LUC7L3: variants seen among roughly 807,000 people sequenced by gnomAD.
LUC7L3 encodes the protein luc7-like protein 3.
Under a neutral mutation model 66.8 loss-of-function variants are expected in LUC7L3, and 6 were observed. The ratio of observed to expected loss-of-function variants is 0.09; its 90% CI spans 0.05 to 0.18. The LOEUF is 0.18. Among genes scored for constraint, LUC7L3 ranks in the 10% least tolerant of loss-of-function variants. LUC7L3 has a pLI of 1.00. For synonymous variants in LUC7L3, 160 were observed against 174.7 expected (o/e 0.92, Z 0.66); for missense variants, 341 against 531.1 (o/e 0.64, Z 3.52).
In LUC7L3 at chr17:50,754,808, C is replaced by T. The variant is rs1318332773; in HGVS notation, c.*4147C>T. On this transcript the variant is annotated 3_prime_UTR_variant, in exon 10 of 10. Coordinates refer to ENST00000505658, the MANE Select transcript of LUC7L3 (RefSeq NM_016424.5). ...GGTTCCTTAAATATAGTTAGTGTCA[C>T]AGAGGATAAATAACCAACCTTATTT... 6.6e-6 allele frequency: 1 copy of T among 152,130 alleles called. No individual in the cohort carries two copies. 9.4% of individuals were successfully genotyped at this position (152,130 alleles called of 1,614,324 possible). A position where few individuals can be genotyped will look rare whatever the true frequency, so the allele number is the denominator to read the frequency against.
chr17:50,751,007 AT>A lies in LUC7L3; in HGVS notation c.*347del, dbSNP rs1349704257. On this transcript the variant is annotated 3_prime_UTR_variant, in exon 10 of 10. Coordinates refer to ENST00000505658, the MANE Select transcript of LUC7L3 (RefSeq NM_016424.5). ...TGATGTCATTTCTTTTTTTTTTTTA[AT>A]AAAAAGGTTGAACTGTTTTTTTTTT... 1 of 1,441,086 alleles carries A rather than the reference AT, an allele frequency of 6.9e-7. No homozygotes were observed. The highest frequency in any genetic ancestry group is 9.1e-7 in the Non-Finnish European group (1 of 1,104,898). 89.3% of individuals were successfully genotyped at this position (1,441,086 alleles called of 1,614,324 possible).
chr17:50,736,961 T>C lies in LUC7L3; in HGVS notation c.101T>C (p.Val34Ala), dbSNP rs1358426858. 4.4e-6 allele frequency: 7 copies of C among 1,604,686 alleles called. No individual in the cohort carries two copies. The highest frequency in any genetic ancestry group is 6.0e-6 in the Non-Finnish European group (7 of 1,173,754). ...AGTACCTTTGTTTTTCTTTACTAGGTTTGTAAATATTATCTCTGTGGTTTT... is the reference window on the plus strand; with the variant it reads ...AGTACCTTTGTTTTTCTTTACTAGGCTTGTAAATATTATCTCTGTGGTTTT... ...RSNVRWDHES[V>A]CKYYLCGFCP... The change falls in exon 2 of 10, where the codon GTT becomes GCT. Residue 34 changes from valine (V) to alanine (A), a missense_variant and splice_region_variant. Physicochemically the swap from Val to Ala is moderately conservative, Grantham distance 64. Coordinates refer to ENST00000505658, the MANE Select transcript of LUC7L3 (RefSeq NM_016424.5).
intron 1 of LUC7L3, among the ~76,000 whole-genome samples, chr17:50,724,463 G>A (rs958814211): frequency 1.3e-5 from 2 of 152,072 alleles, no homozygotes; most frequent in African/African-American, 4.8e-5. Flanking sequence ...AGAGGTTGCA[G>A]TGAGCCGAGA....
intron 1 of LUC7L3, chr17:50,722,256 G>A (rs1006228638): frequency 7.8e-6 from 1 of 127,760 alleles, no homozygotes; most frequent in African/African-American, 3.1e-5. Flanking sequence ...GGAGTGCAAT[G>A]GCGTGATTTT....
intron 1 of LUC7L3, chr17:50,722,890 A>G (rs1752043115): frequency 6.6e-6 from 1 of 152,196 alleles, no homozygotes; most frequent in South Asian, 2.1e-4. Context: ...ATTCATTGGT[A>G]CACCCTCCCA....
At position 50,746,114 on chromosome 17, in the gene LUC7L3, T is replaced by C. The variant is rs1970649982; in HGVS notation, c.977+111T>C. On this transcript the variant is annotated intron_variant, in intron 8 of 9. Transcript: ENST00000505658. Reference sequence around the variant, plus strand: ...TACTTGGGAAGCTCTTAAGCATCTTTAAGTGATAGGATGGGTTGCGAGAGC... The same window carrying C: ...TACTTGGGAAGCTCTTAAGCATCTTCAAGTGATAGGATGGGTTGCGAGAGC... 7.1e-6 allele frequency: 10 copies of C among 1,399,682 alleles called. No homozygotes were observed. In the South Asian group the frequency reaches 1.7e-4, roughly 24 times the overall value. 86.7% of individuals were successfully genotyped at this position (1,399,682 alleles called of 1,614,324 possible). A position where few individuals can be genotyped will look rare whatever the true frequency, so the allele number is the denominator to read the frequency against.
intron 9 of LUC7L3, among the ~76,000 whole-genome samples, chr17:50,747,092 T>C (rs1185882988): frequency 3.3e-5 from 5 of 152,174 alleles, no homozygotes; most frequent in African/African-American, 9.7e-5. Flanking sequence ...CATTGTTGCA[T>C]TAATCTTCAT....
Position 50,719,696 on chromosome 17 carries a change from C to T in LUC7L3, c.-37C>T. The T allele has an allele frequency of 1.9e-6, 3 of 1,553,260 alleles. No individual in the cohort carries two copies. The highest frequency in any genetic ancestry group is 2.3e-5 in the East Asian group (1 of 43,546). On this transcript the variant is annotated 5_prime_UTR_variant, in exon 1 of 10. Transcript: ENST00000505658. ...TCGCCCGTGTTTTCGTTGGCGGGTG[C>T]CTGGGCTGGTGGGAACAGCCGCCCG...
At chr17:50,740,158 T>G (rs1970255051) in intron 2 of LUC7L3, 148 bp from the exon 3 acceptor site, 5 of 612,112 alleles carry the variant, frequency 8.2e-6, no homozygotes, top group African/African-American at 1.9e-5. Context: ...GCTTCATGAT[T>G]TAGTAGGATC....
At chr17:50,746,813 C>T in intron 9 of LUC7L3, 111 bp downstream of exon 9, 2 of 847,076 alleles carry the variant, frequency 2.4e-6, no homozygotes, top group South Asian at 2.2e-5. Flanking sequence ...CTCCTTTTCA[C>T]TTTGAGGAAT....
At chr17:50,726,959 G>A (rs1184073599) in intron 1 of LUC7L3, among the ~76,000 whole-genome samples, 3 of 151,932 alleles carry the variant, frequency 2.0e-5, no homozygotes, top group African/African-American at 7.3e-5. Flanking sequence ...CGTTGTGGCC[G>A]GTGCTTGTAA....
At position 50,719,616 on chromosome 17, in the gene LUC7L3, C is replaced by G; in HGVS notation, c.-117C>G. On this transcript the variant is annotated 5_prime_UTR_variant, in exon 1 of 10. Coordinates refer to ENST00000505658, the MANE Select transcript of LUC7L3 (RefSeq NM_016424.5). ...GGCGGCCATTTTGTCTTGTCGGCTCCTGTGTGTAGGAGGGATTTCGGCCTG... is the reference window on the plus strand; with the variant it reads ...GGCGGCCATTTTGTCTTGTCGGCTCGTGTGTGTAGGAGGGATTTCGGCCTG... 1.3e-6 allele frequency: 1 copy of G among 783,860 alleles called. No homozygotes were observed. The highest frequency in any genetic ancestry group is 2.0e-6 in the Non-Finnish European group (1 of 488,522). The allele number at this position is 783,860 out of a possible 1,614,324, so 48.6% of individuals were successfully genotyped here.
intron 1 of LUC7L3, among the ~76,000 whole-genome samples, chr17:50,726,999 G>GA (rs901340905): frequency 3.3e-5 from 5 of 152,068 alleles, no homozygotes; most frequent in African/African-American, 1.2e-4. Context: ...TGAGGCAGGA[G>GA]AATTTCTTGA....
intron 1 of LUC7L3, chr17:50,722,191 CTTTTTTTTTTTTTT>C (rs869286245): frequency 3.1e-5 from 2 of 63,712 alleles, no homozygotes; most frequent in African/African-American, 1.4e-4. Context: ...CTTATGCATT[CTTTTTTTTTTTTTT>C]TTTTTTTTTT....
chr17:50,730,512 CCAAAAAA>C (rs1333256327), intron 1 of LUC7L3, among the ~76,000 whole-genome samples: 1 of 16,710 alleles, frequency 6.0e-5, no homozygotes, highest in Non-Finnish European at 1.1e-4. Flanking sequence ...GACTCTGTCT[CCAAAAAA>C]AAAAAAAAAA....
chr17:50,738,223 TAAAAG>T (rs1428768765), intron 2 of LUC7L3: 4 of 432,004 alleles, frequency 9.3e-6, no homozygotes, highest in East Asian at 7.2e-5. Flanking sequence ...GGGAATCTCT[TAAAAG>T]AAAGTCTTAC....
chr17:50,733,921 A>G (rs1239521635), intron 1 of LUC7L3, among the ~76,000 whole-genome samples: 3 of 152,160 alleles, frequency 2.0e-5, no homozygotes, highest in Non-Finnish European at 4.4e-5. Flanking sequence ...CCTCCCCCAA[A>G]TAAACTCTCA....
At chr17:50,723,444 T>G (rs190732933) in intron 1 of LUC7L3, 2 of 152,572 alleles carry the variant, frequency 1.3e-5, no homozygotes. Flanking sequence ...TGTCCACATT[T>G]TTTACTTGTA....
intron 5 of LUC7L3, among the ~76,000 whole-genome samples, chr17:50,742,820 C>G (rs1316522280): frequency 6.6e-6 from 1 of 152,144 alleles, no homozygotes; most frequent in Non-Finnish European, 1.5e-5. Flanking sequence ...AGACTGGAAT[C>G]AATTAAAATA....
Sources: allele counts gnomAD v4.1 joint callset (sites outside exome capture counted in the v4.1 genomes callset), GRCh38; gene constraint gnomAD v4.1.1; transcripts MANE v1.5; gene names NCBI Gene and HGNC (gene_info 2026-07-23, HGNC 2026-07-21).